CDK5RAP2: variants seen among roughly 807,000 people sequenced by gnomAD.
CDK5RAP2 encodes the protein CDK5 regulatory subunit associated protein 2.
CDK5RAP2 carries 147 observed loss-of-function variants against 232.9 expected under a neutral mutation model. The observed-to-expected ratio is 0.63, with a 90% CI of 0.55 to 0.72. The LOEUF (loss-of-function observed/expected upper bound fraction) is 0.72, where lower values mean the gene tolerates loss of function less well. Among genes scored for constraint, CDK5RAP2 ranks in the 30% least tolerant of loss-of-function variants. CDK5RAP2 has a pLI of 0.00. For missense variants in CDK5RAP2, 2,195 were observed against 2,231.5 expected (o/e 0.98, Z 0.33); for synonymous variants, 833 against 833.7 (o/e 1.00, Z 0.01).
intron 5 of CDK5RAP2, among the ~76,000 whole-genome samples, chr9:120,540,286 G>C (rs953032716): frequency 5.3e-5 from 8 of 152,078 alleles, no homozygotes; most frequent in Admixed American, 5.2e-4. Context: ...AAATAATAAA[G>C]GAAATGCTTC....
At chr9:120,491,547 T>C (rs2038908341) in intron 12 of CDK5RAP2, 70 bp from the exon 13 acceptor site, 1 of 1,040,672 alleles carries the variant, frequency 9.6e-7, no homozygotes, top group Non-Finnish European at 1.5e-6. Flanking sequence ...TTTGACTTGC[T>C]AAATTACTGC....
At chr9:120,470,256 G>T in intron 16 of CDK5RAP2, 36 bp from the exon 17 acceptor site, 1 of 1,039,596 alleles carries the variant, frequency 9.6e-7, no homozygotes, top group Non-Finnish European at 1.4e-6. Flanking sequence ...TGGGGAGGGG[G>T]AGGAGAAAAA....
chr9:120,519,942 A>G (rs905827935), intron 11 of CDK5RAP2, among the ~76,000 whole-genome samples: 1 of 152,166 alleles, frequency 6.6e-6, no homozygotes, highest in African/African-American at 2.4e-5. Context: ...GGTGGTCAGC[A>G]TGCTAGTTCA....
intron 3 of CDK5RAP2, among the ~76,000 whole-genome samples, chr9:120,561,135 C>T (rs1476540404): frequency 1.3e-5 from 2 of 152,052 alleles, no homozygotes; most frequent in Non-Finnish European, 2.9e-5. Context: ...CTCTAGTAAA[C>T]AATACTGCAT....
At chr9:120,490,750 T>C (rs564007456) in intron 13 of CDK5RAP2, among the ~76,000 whole-genome samples, 20 of 152,350 alleles carry the variant, frequency 1.3e-4, no homozygotes, top group Non-Finnish European at 2.6e-4. Context: ...CTATTATACC[T>C]GCTTCTATTC....
chr9:120,389,372 G>A lies in CDK5RAP2; in HGVS notation c.5626-80C>T, dbSNP rs76452024. 2,401 of 1,114,690 alleles carry A rather than the reference G, an allele frequency of 2.2e-3. 43 individuals are homozygous for A. The African/African-American group carries it at 0.031, about 14-fold the overall frequency. The allele number at this position is 1,114,690 out of a possible 1,614,324, so 69.0% of individuals were successfully genotyped here. ...GTAAGACCCCGACAGAGGTGAAAGC[G>A]AGACTGTTATTCTCAAAGTGCTTTC... On this transcript the variant is annotated intron_variant, in intron 37 of 37. Coordinates refer to ENST00000349780, the MANE Select transcript of CDK5RAP2 (RefSeq NM_018249.6).
chr9:120,498,558 T>C (rs1298437416), intron 12 of CDK5RAP2, among the ~76,000 whole-genome samples: 2 of 152,196 alleles, frequency 1.3e-5, no homozygotes, highest in African/African-American at 4.8e-5. Context: ...ATAGAGTCTG[T>C]AGATTAGTTC....
chr9:120,417,913 A>G (rs1456184470), intron 27 of CDK5RAP2, among the ~76,000 whole-genome samples: 5 of 152,236 alleles, frequency 3.3e-5, no homozygotes, highest in African/African-American at 1.2e-4. Flanking sequence ...ATTGTTTACA[A>G]TTGTGAAATC....
At position 120,403,390 on chromosome 9, in the gene CDK5RAP2, AAC is replaced by A; in HGVS notation, c.5042-321_5042-320del. 2.5e-6 allele frequency: 1 copy of A among 398,602 alleles called. No homozygotes were observed. The allele number at this position is 398,602 out of a possible 1,614,324, so 24.7% of individuals were successfully genotyped here. A position where few individuals can be genotyped will look rare whatever the true frequency, so the allele number is the denominator to read the frequency against. On this transcript the variant is annotated intron_variant, in intron 33 of 37. Transcript: ENST00000349780. This position sits in a 1 kb window ranked among gnomAD's most constrained non-coding sequence, Gnocchi z 4.2. Reference sequence around the variant, plus strand: ...TTCCAGTAGCCCACAGTCTGATCAGAACACAGACACTGCAGAAGGTGCAACAG... The same window carrying A: ...TTCCAGTAGCCCACAGTCTGATCAGAACAGACACTGCAGAAGGTGCAACAG...
intron 12 of CDK5RAP2, among the ~76,000 whole-genome samples, chr9:120,497,432 A>G (rs2039352141): frequency 8.9e-6 from 1 of 112,796 alleles, no homozygotes; most frequent in Non-Finnish European, 2.2e-5. Context: ...AAAAAAAAAA[A>G]AAAAAAAAAA....
chr9:120,550,812 T>C lies in CDK5RAP2; in HGVS notation c.286A>G (p.Thr96Ala), dbSNP rs766136202. The C allele has an allele frequency of 1.9e-6, 3 of 1,606,944 alleles. No homozygotes were observed. The change falls in exon 4 of 38, where the codon ACT (threonine) becomes GCT (alanine). Residue 96 changes from threonine (T) to alanine (A), a missense_variant. By Grantham distance (58) the Thr-to-Ala change is moderately conservative (BLOSUM62 0). Coordinates refer to ENST00000349780, the MANE Select transcript of CDK5RAP2 (RefSeq NM_018249.6). The stretch of plus-strand genomic sequence containing the variant: ...CTCACAGTTTTGTAGATATGTTCAG[T>C]GGGGCCATGAAATTCCTGTTGCATT... ...ERMQQEFHGPTEHIYKTNIEL... is the reference protein window; with the variant it reads ...ERMQQEFHGPAEHIYKTNIEL...
intron 7 of CDK5RAP2, among the ~76,000 whole-genome samples, chr9:120,535,706 GT>G (rs2064201126): frequency 6.6e-6 from 1 of 152,098 alleles, no homozygotes; most frequent in African/African-American, 2.4e-5. Flanking sequence ...CAAAAATTTC[GT>G]TGCAAAATAT....
At chr9:120,498,718 A>AATAT (rs145678067) in intron 12 of CDK5RAP2, among the ~76,000 whole-genome samples, 2,826 of 147,306 alleles carry the variant, frequency 0.019, 76 homozygotes, top group African/African-American at 0.065. Context: ...AAAGGCTTTA[A>AATAT]ATATATATAT....
At chr9:120,438,378 CT>C (rs1289303847) in intron 24 of CDK5RAP2, among the ~76,000 whole-genome samples, 1 of 152,206 alleles carries the variant, frequency 6.6e-6, no homozygotes, top group Non-Finnish European at 1.5e-5. Context: ...TGGCAGTCAC[CT>C]TCAACATAGA....
chr9:120,395,135 T>C (rs2131217130), intron 35 of CDK5RAP2, among the ~76,000 whole-genome samples: 1 of 152,330 alleles, frequency 6.6e-6, no homozygotes, highest in African/African-American at 2.4e-5. Flanking sequence ...TATGCATTGA[T>C]ATCAAAAAAT....
chr9:120,553,876 C>T (rs2042132473), intron 3 of CDK5RAP2, among the ~76,000 whole-genome samples: 1 of 152,188 alleles, frequency 6.6e-6, no homozygotes, highest in African/African-American at 2.4e-5. Context: ...TTCCTCTCAC[C>T]TAAGCCTCCC....
At chr9:120,558,943 C>T (rs1367128545) in intron 3 of CDK5RAP2, among the ~76,000 whole-genome samples, 2 of 152,140 alleles carry the variant, frequency 1.3e-5, no homozygotes, top group African/African-American at 4.8e-5. Context: ...GCTGTTTCCT[C>T]CAAGGTTTTA....
chr9:120,576,740 A>G (rs1165910532), intron 1 of CDK5RAP2, among the ~76,000 whole-genome samples: 2 of 151,794 alleles, frequency 1.3e-5, no homozygotes, highest in Non-Finnish European at 2.9e-5. Context: ...GATACCTACC[A>G]TGTCACACCC....
chr9:120,402,885 T>A lies in CDK5RAP2; in HGVS notation c.5228A>T (p.Gln1743Leu). 1 of 1,614,160 alleles carries A rather than the reference T, an allele frequency of 6.2e-7. No individual in the cohort carries two copies. Among genetic ancestry groups the A allele is most frequent in the Non-Finnish European group, 8.5e-7 (1 of 1,180,032 alleles). ...DYEALLKQIS[Q>L]GQRLLAEMDI... ...CATTTCAGCAAGGAGCCTCTGTCCC[T>A]GGCTGATCTGTTTGAGCAGGGCCTC... The change falls in exon 34 of 38, where the codon CAG (glutamine) becomes CTG (leucine). Residue 1743 changes from glutamine to leucine, a missense_variant. Coordinates refer to ENST00000349780, the MANE Select transcript of CDK5RAP2 (RefSeq NM_018249.6).
Sources: gnomAD v4.1 joint callset for allele counts (sites outside exome capture counted in the v4.1 genomes callset) on GRCh38, gnomAD v4.1.1 for gene constraint, Gnocchi (gnomAD v3.1) non-coding constraint, MANE v1.5 for transcripts, NCBI Gene and HGNC (gene_info 2026-07-23, HGNC 2026-07-21) for gene names.